Variants in FANK1 observed in about 807,000 individuals in gnomAD.
FANK1 encodes the protein fibronectin type III and ankyrin repeat domains 1.
A neutral mutation model predicts 45.3 loss-of-function variants in FANK1; 44 were observed. The ratio of observed to expected loss-of-function variants is 0.97; its 90% CI spans 0.76 to 1.25. FANK1 has a LOEUF of 1.25. Ranked by LOEUF, FANK1 falls within the 50% of genes most tolerant of loss-of-function variation. The pLI is 0.00. For synonymous variants in FANK1, 149 were observed against 152.5 expected (o/e 0.98, Z 0.17); for missense variants, 391 against 424.4 (o/e 0.92, Z 0.69).
intron 1 of FANK1, among the ~76,000 whole-genome samples, chr10:125,926,804 A>G (rs1198099499): frequency 6.6e-6 from 1 of 152,220 alleles, no homozygotes; most frequent in African/African-American, 2.4e-5. Flanking sequence ...GTATCTGTTT[A>G]GTAATGGTTT....
chr10:125,901,774 C>T (rs1945056492), intron 1 of FANK1, among the ~76,000 whole-genome samples: 1 of 152,188 alleles, frequency 6.6e-6, no homozygotes, highest in African/African-American at 2.4e-5. Flanking sequence ...GTTATTCTAT[C>T]TCTGCGCTTT....
At chr10:125,971,931 C>T (rs1038759934) in intron 1 of FANK1, among the ~76,000 whole-genome samples, 12 of 152,140 alleles carry the variant, frequency 7.9e-5, no homozygotes, top group Middle Eastern at 3.4e-3. Context: ...CCGGCCGCTC[C>T]GGTCTACATT....
intron 1 of FANK1, among the ~76,000 whole-genome samples, chr10:125,971,913 C>T (rs1950545442): frequency 6.6e-6 from 1 of 152,128 alleles, no homozygotes; most frequent in Admixed American, 6.5e-5. Context: ...AGGTGTGAGC[C>T]ACTGCGCCCG....
chr10:125,920,528 G>GT (rs1468322745), intron 1 of FANK1, among the ~76,000 whole-genome samples: 2 of 152,178 alleles, frequency 1.3e-5, no homozygotes, highest in African/African-American at 4.8e-5. Context: ...GCAAGTGATT[G>GT]TTTTTGGCAG....
At chr10:125,919,195 A>T (rs1325498240) in intron 1 of FANK1, among the ~76,000 whole-genome samples, 9 of 51,862 alleles carry the variant, frequency 1.7e-4, no homozygotes, top group South Asian at 9.3e-4. Flanking sequence ...GGAGGTAAGA[A>T]TTTTTTTTTT....
chr10:125,980,719 C>T (rs1951149959), intron 2 of FANK1: 1 of 190,106 alleles, frequency 5.3e-6, no homozygotes, highest in Non-Finnish European at 1.1e-5. Context: ...CATGTCATAC[C>T]ATTGTCCCCT....
intron 1 of FANK1, among the ~76,000 whole-genome samples, chr10:125,899,091 G>A (rs111593320): frequency 3.9e-5 from 6 of 152,090 alleles, no homozygotes; most frequent in Non-Finnish European, 7.4e-5. Context: ...ACAGAGTTTC[G>A]CTGTTGTTGC....
chr10:125,969,928 A>T (rs1300760830), intron 1 of FANK1, among the ~76,000 whole-genome samples: 3 of 152,276 alleles, frequency 2.0e-5, no homozygotes, highest in Middle Eastern at 3.4e-3. Flanking sequence ...TGTTTCAGAG[A>T]GCATGGGGTT....
chr10:125,914,375 A>G (rs1218423750), intron 1 of FANK1, among the ~76,000 whole-genome samples: 2 of 151,726 alleles, frequency 1.3e-5, no homozygotes, highest in East Asian at 1.9e-4. Context: ...GACAGGAACC[A>G]GCCCTGCCTG....
chr10:125,900,421 T>C (rs1377057266), intron 1 of FANK1, among the ~76,000 whole-genome samples: 1 of 151,850 alleles, frequency 6.6e-6, no homozygotes, highest in Non-Finnish European at 1.5e-5. Context: ...TCTTAATGAG[T>C]TTTAATACCA....
intron 1 of FANK1, among the ~76,000 whole-genome samples, chr10:125,973,994 A>G (rs1950689716): frequency 6.6e-6 from 1 of 152,242 alleles, no homozygotes; most frequent in Non-Finnish European, 1.5e-5. Context: ...AAACTCATAC[A>G]GCTAATTTCT....
At chr10:125,932,036 C>G (rs1947786989) in intron 1 of FANK1, among the ~76,000 whole-genome samples, 1 of 152,104 alleles carries the variant, frequency 6.6e-6, no homozygotes. Context: ...TTTGGGTTCT[C>G]TATTCTGTTT....
chr10:125,934,910 CCTG>C (rs1564888488), intron 1 of FANK1, among the ~76,000 whole-genome samples: 2 of 151,958 alleles, frequency 1.3e-5, no homozygotes, highest in Non-Finnish European at 2.9e-5. Context: ...TGGTGCCTGC[CCTG>C]CAGGATGGTG....
intron 6 of FANK1, among the ~76,000 whole-genome samples, chr10:126,002,598 C>CA (rs1327335503): frequency 6.6e-6 from 1 of 152,188 alleles, no homozygotes; most frequent in East Asian, 1.9e-4. Flanking sequence ...AGTTATCACT[C>CA]AGAGGCTTTG....
chr10:125,930,546 C>T (rs886891001), intron 1 of FANK1, among the ~76,000 whole-genome samples: 4 of 151,434 alleles, frequency 2.6e-5, no homozygotes, highest in Middle Eastern at 3.2e-3. Flanking sequence ...CTATGTTTCC[C>T]AGGCTGGTCT....
chr10:125,985,988 C>T (rs1201711891), intron 2 of FANK1, among the ~76,000 whole-genome samples: 2 of 152,116 alleles, frequency 1.3e-5, no homozygotes, highest in Non-Finnish European at 2.9e-5. Flanking sequence ...TTCTGGGCAT[C>T]TTAAGGCCCA....
intron 2 of FANK1, among the ~76,000 whole-genome samples, chr10:125,987,030 A>G (rs1048706904): frequency 1.6e-4 from 24 of 152,340 alleles, no homozygotes; most frequent in African/African-American, 5.3e-4. Flanking sequence ...CACCTGATCC[A>G]GATCTGAAGT....
At chr10:125,911,680 C>T (rs1197563873) in intron 1 of FANK1, among the ~76,000 whole-genome samples, 1 of 152,176 alleles carries the variant, frequency 6.6e-6, no homozygotes, top group African/African-American at 2.4e-5. Flanking sequence ...TTCGCACAGC[C>T]TCCTCAACTC....
At chr10:125,924,831 C>CT (rs1947233690) in intron 1 of FANK1, among the ~76,000 whole-genome samples, 1 of 150,384 alleles carries the variant, frequency 6.6e-6, no homozygotes, top group African/African-American at 2.5e-5. Context: ...AAAAAAAAGA[C>CT]TATCATTTTC....
Sources: allele counts gnomAD v4.1 joint callset (sites outside exome capture counted in the v4.1 genomes callset), GRCh38; gene constraint gnomAD v4.1.1; transcripts MANE v1.5; gene names NCBI Gene and HGNC (gene_info 2026-07-23, HGNC 2026-07-21).